Variants in SRRT observed in about 807,000 individuals in gnomAD.
The protein encoded by SRRT is serrate, RNA effector molecule.
A neutral mutation model predicts 103.2 loss-of-function variants in SRRT; 32 were observed. The ratio of observed to expected loss-of-function variants is 0.31; its 90% CI spans 0.23 to 0.42. The LOEUF (loss-of-function observed/expected upper bound fraction) is 0.42, where lower values mean the gene tolerates loss of function less well. SRRT is among the 10% of genes least tolerant of loss of function. The pLI, the probability that SRRT is intolerant of heterozygous loss-of-function variation, is 1.00. For missense variants in SRRT, 986 were observed against 1,207.5 expected (o/e 0.82, Z 2.72); for synonymous variants, 525 against 449.0 (o/e 1.17, Z -2.14).
Position 100,884,396 on chromosome 7 carries a change from G to GAATGATCT in SRRT, c.787_794dup (p.Arg266MetfsTer33). ...TGATTAAGATGGAAGGAGGCACGGA[G>GAATGATCT]AATGATCTTCGCATCCTGGAGCAGG... On this transcript the variant is annotated frameshift_variant, in exon 7 of 20. Transcript: ENST00000611405. LOFTEE classifies it high-confidence loss of function. 1 of 1,613,788 alleles carries GAATGATCT rather than the reference G, an allele frequency of 6.2e-7. No homozygotes were observed. The highest frequency in any genetic ancestry group is 8.5e-7 in the Non-Finnish European group (1 of 1,179,902).
chr7:100,877,193 C>G (rs182238777), intron 2 of SRRT, among the ~76,000 whole-genome samples: 1 of 151,136 alleles, frequency 6.6e-6, no homozygotes, highest in Non-Finnish European at 1.5e-5. Context: ...GAGGCCGAGA[C>G]GGGCAGATCA....
At position 100,881,400 on chromosome 7, in the gene SRRT, A is replaced by G. The variant is rs749999841; in HGVS notation, c.238A>G (p.Met80Val). 4 of 1,613,076 alleles carry G rather than the reference A, an allele frequency of 2.5e-6. No individual in the cohort carries two copies. Among genetic ancestry groups the G allele is most frequent in the South Asian group, 1.1e-5 (1 of 91,062 alleles). ...CGAACTCAGCCCGCCACAGAAGCGC[A>G]TGAGGAGAGACTGGTGAGATGGAGC... ...RHELSPPQKRMRRDWDEHSSD... is the reference protein window; with the variant it reads ...RHELSPPQKRVRRDWDEHSSD... The change falls in exon 3 of 20, where the codon ATG becomes GTG. Residue 80 changes from methionine to valine, a missense_variant. Around this residue, in one of 6 missense-constraint regions of SRRT, gnomAD observed 274 missense variants for 358.5 expected, o/e 0.76. Coordinates refer to ENST00000611405, the MANE Select transcript of SRRT (RefSeq NM_015908.6).
chr7:100,875,450 G>C, intron 1 of SRRT, 122 bp downstream of exon 1: 1 of 1,535,724 alleles, frequency 6.5e-7, no homozygotes, highest in Non-Finnish European at 8.8e-7. Flanking sequence ...TCAGGCCTAG[G>C]ATGGTGGGGG....
At position 100,881,307 on chromosome 7, in the gene SRRT, C is replaced by T; in HGVS notation, c.145C>T (p.Arg49Cys). The change falls in exon 3 of 20, where the codon CGC (arginine) becomes TGC (cysteine). Residue 49 changes from arginine (R) to cysteine (C), a missense_variant. Arg to Cys is a radical substitution (Grantham distance 180, BLOSUM62 -3). Coordinates refer to ENST00000611405, the MANE Select transcript of SRRT (RefSeq NM_015908.6). ...CAGAGAGTGGGACCGTGGCCGTGAG[C>T]GCCGTAGTCGGGGTGAATATCGGGA... ...NDREWDRGRERRSRGEYRDYD... is the reference protein window; with the variant it reads ...NDREWDRGRECRSRGEYRDYD... The T allele has an allele frequency of 6.2e-7, 1 of 1,612,978 alleles. No individual in the cohort carries two copies. Among genetic ancestry groups the T allele is most frequent in the Non-Finnish European group, 8.5e-7 (1 of 1,179,282 alleles).
rs1173976337 is a variant in SRRT at position 100,875,806 on chromosome 7, G to T, written c.122+94G>T. On this transcript the variant is annotated intron_variant, in intron 2 of 19. Transcript: ENST00000611405. ...TCTCCCCCTTGTAATTTTTATGAGG[G>T]CGAATCCTATGAAATGGCTCATTGG... is the stretch of plus-strand genomic sequence containing the variant. 3.9e-6 allele frequency: 6 copies of T among 1,521,596 alleles called. No individual in the cohort carries two copies. The Admixed American group carries it at 8.6e-5, about 22-fold the overall frequency. 94.3% of individuals were successfully genotyped at this position (1,521,596 alleles called of 1,614,324 possible).
In SRRT at chr7:100,885,282, T is replaced by C. The variant is rs1463319472; in HGVS notation, c.1229T>C (p.Leu410Pro). 6.2e-7 allele frequency: 1 copy of C among 1,614,120 alleles called. No homozygotes were observed. Among genetic ancestry groups the C allele is most frequent in the Non-Finnish European group, 8.5e-7 (1 of 1,180,014 alleles). The change falls in exon 10 of 20, where the codon CTG becomes CCG. Residue 410 changes from leucine to proline, a missense_variant. Leu to Pro is a moderately conservative substitution (Grantham distance 98). Around this residue, in one of 6 missense-constraint regions of SRRT, gnomAD observed 349 missense variants for 446.9 expected, o/e 0.78. Transcript: ENST00000611405. The surrounding 1 kb of genome is among the most constrained non-coding windows in gnomAD (Gnocchi z 4.8). ...EWEKPKDAAG[L>P]ECKPRPLHKT... is the part of the protein sequence containing the mutation. ...GAGAAGCCCAAGGACGCCGCGGGGC[T>C]GGAGTGCAAGCCGCGGCCGCTGCAT...
rs1223165597 is a variant in SRRT, at chr7:100,882,430, G to A, written c.587+189G>A. 3.0e-5 allele frequency: 18 copies of A among 603,640 alleles called. No individual in the cohort carries two copies. Among genetic ancestry groups the A allele is most frequent in the South Asian group, 8.0e-5 (4 of 50,060 alleles). The allele number at this position is 603,640 out of a possible 1,614,324, so 37.4% of individuals were successfully genotyped here. On this transcript the variant is annotated intron_variant, in intron 5 of 19. Coordinates refer to ENST00000611405, the MANE Select transcript of SRRT (RefSeq NM_015908.6). This position sits in a 1 kb window ranked among gnomAD's most constrained non-coding sequence, Gnocchi z 4.2. ...CAGCAACTGCCACGGCCCCCGCCCC[G>A]CCCTGTCTCCTGTCCTGCTGTCCTC...
rs1335058533 is a variant in SRRT at position 100,875,416 on chromosome 7, A to T, written c.-19+88A>T. 3 of 1,433,886 alleles carry T rather than the reference A, an allele frequency of 2.1e-6. No individual in the cohort carries two copies. In the African/African-American group the frequency reaches 4.3e-5, roughly 20 times the overall value. The allele number at this position is 1,433,886 out of a possible 1,614,324, so 88.8% of individuals were successfully genotyped here. A position where few individuals can be genotyped will look rare whatever the true frequency, so the allele number is the denominator to read the frequency against. On this transcript the variant is annotated intron_variant, in intron 1 of 19. Coordinates refer to ENST00000611405, the MANE Select transcript of SRRT (RefSeq NM_015908.6). Reference sequence around the variant, plus strand: ...GGCGGGCGCGGAGAAACTCGGGGCGAGTGGAGGTGTTGGAGCCGCGTTCTC... The same window carrying T: ...GGCGGGCGCGGAGAAACTCGGGGCGTGTGGAGGTGTTGGAGCCGCGTTCTC...
Position 100,887,310 on chromosome 7 carries a change from C to T in SRRT, c.1976-10C>T. ...TTGCCAACCTTCCTTCCTCTGTTCC[C>T]AAACCACAGTGCTGGAGTGGCAGAA... is the stretch of plus-strand genomic sequence containing the variant. On this transcript the variant is annotated splice_polypyrimidine_tract_variant and intron_variant, in intron 15 of 19. Transcript: ENST00000611405. This position sits in a 1 kb window ranked among gnomAD's most constrained non-coding sequence, Gnocchi z 4.1. 6.2e-7 allele frequency: 1 copy of T among 1,612,590 alleles called. No individual in the cohort carries two copies. Among genetic ancestry groups the T allele is most frequent in the Non-Finnish European group, 8.5e-7 (1 of 1,178,900 alleles).
At chr7:100,883,935 A>G (rs1475208906) in intron 5 of SRRT, 135 bp from the exon 6 acceptor site, 3 of 968,672 alleles carry the variant, frequency 3.1e-6, no homozygotes, top group South Asian at 1.8e-5. Context: ...CTATCCCTTA[A>G]TCTCTCTATT....
At position 100,886,000 on chromosome 7, in the gene SRRT, C is replaced by T; in HGVS notation, c.1458+59C>T. On this transcript the variant is annotated intron_variant, in intron 12 of 19. Coordinates refer to ENST00000611405, the MANE Select transcript of SRRT (RefSeq NM_015908.6). This position sits in a 1 kb window ranked among gnomAD's most constrained non-coding sequence, Gnocchi z 4.8. Reference sequence around the variant, plus strand: ...AAGGGAGACTCTGTGCCACACGGGACCTCTGTGTGACTTTGTTCATCTGAT... The same window carrying T: ...AAGGGAGACTCTGTGCCACACGGGATCTCTGTGTGACTTTGTTCATCTGAT... 6.4e-7 allele frequency: 1 copy of T among 1,551,872 alleles called. No individual in the cohort carries two copies. The highest frequency in any genetic ancestry group is 8.9e-7 in the Non-Finnish European group (1 of 1,125,288).
rs769110040 is a variant in SRRT at position 100,888,339 on chromosome 7, T to C, written c.2511T>C (p.Asp837=). 1 of 1,614,128 alleles carries C rather than the reference T, an allele frequency of 6.2e-7. No individual in the cohort carries two copies. Among genetic ancestry groups the C allele is most frequent in the Non-Finnish European group, 8.5e-7 (1 of 1,179,990 alleles). ...APYGAGRGNY[D]AFRGQGGYPG... ...ATGGTGCTGGTCGAGGGAACTATGA[T>C]GCCTTCCGAGGCCAGGGAGGTTATC... Residue 837 remains aspartate, a synonymous_variant, in exon 19 of 20, where the codon GAT becomes GAC. Transcript: ENST00000611405.
At chr7:100,881,440 C>G in intron 3 of SRRT, 27 bp downstream of exon 3, 1 of 1,604,578 alleles carries the variant, frequency 6.2e-7, no homozygotes, top group African/African-American at 1.3e-5. Flanking sequence ...TCCCTCTCCT[C>G]CCCTTTGCCT....
Position 100,884,816 on chromosome 7 carries a change from A to G in SRRT, c.1019A>G (p.Asp340Gly). 6.2e-7 allele frequency: 1 copy of G among 1,613,172 alleles called. No individual in the cohort carries two copies. The highest frequency in any genetic ancestry group is 8.5e-7 in the Non-Finnish European group (1 of 1,179,826). The change falls in exon 8 of 20, where the codon GAC (aspartate) becomes GGC (glycine). Residue 340 changes from aspartate to glycine, a missense_variant. By Grantham distance (94) the Asp-to-Gly change is moderately conservative. Around this residue, in one of 6 missense-constraint regions of SRRT, gnomAD observed 166 missense variants for 148.6 expected, o/e 1.12. Coordinates refer to ENST00000611405, the MANE Select transcript of SRRT (RefSeq NM_015908.6). ...GGGGACAAGGAAGAGAAGAAAGAAGACTCCGAGAAGGAAGCCAAAAAGGTG... is the reference window on the plus strand; with the variant it reads ...GGGGACAAGGAAGAGAAGAAAGAAGGCTCCGAGAAGGAAGCCAAAAAGGTG... ...GDGDKEEKKE[D>G]SEKEAKKSSK...
intron 4 of SRRT, 115 bp from the exon 5 acceptor site, chr7:100,881,937 TG>T: frequency 1.4e-6 from 2 of 1,470,092 alleles, no homozygotes; most frequent in Non-Finnish European, 1.8e-6. Flanking sequence ...TGGTAGCTGT[TG>T]GGGTTTGGGG....
intron 2 of SRRT, among the ~76,000 whole-genome samples, chr7:100,877,515 G>A (rs1220735788): frequency 6.7e-6 from 1 of 149,914 alleles, no homozygotes; most frequent in Non-Finnish European, 1.5e-5. Context: ...TTGACTGTAC[G>A]TCTTTTTTAA....
rs201673226 is a variant in SRRT, at chr7:100,885,167, A to G, written c.1160-46A>G. The G allele has an allele frequency of 1.2e-6, 2 of 1,604,616 alleles. No homozygotes were observed. The highest frequency in any genetic ancestry group is 2.7e-5 in the African/African-American group (2 of 74,558). ...CTTCTGTATCCTCCCCACCACAATC[A>G]GTAATAAAAATGCACCAACTCCTTC... On this transcript the variant is annotated intron_variant, in intron 9 of 19. Coordinates refer to ENST00000611405, the MANE Select transcript of SRRT (RefSeq NM_015908.6). This position sits in a 1 kb window ranked among gnomAD's most constrained non-coding sequence, Gnocchi z 4.8.
chr7:100,881,350 G>A lies in SRRT; in HGVS notation c.188G>A (p.Arg63Gln), dbSNP rs1231145403. Residue 63 changes from arginine (R) to glutamine (Q), a missense_variant, in exon 3 of 20, where the codon CGA (arginine) becomes CAA (glutamine). By Grantham distance (43) the Arg-to-Gln change is conservative. Around this residue, in one of 6 missense-constraint regions of SRRT, gnomAD observed 274 missense variants for 358.5 expected, o/e 0.76. Transcript: ENST00000611405. ...TATCGGGACTATGACCGGAATCGGCGAGAGCGCTTCTCGCCACCTCGCCAC... is the reference window on the plus strand; with the variant it reads ...TATCGGGACTATGACCGGAATCGGCAAGAGCGCTTCTCGCCACCTCGCCAC... The part of the protein sequence containing the change: ...GEYRDYDRNR[R>Q]ERFSPPRHEL... The A allele has an allele frequency of 3.7e-6, 6 of 1,613,610 alleles. No individual in the cohort carries two copies. Among genetic ancestry groups the A allele is most frequent in the Non-Finnish European group, 5.1e-6 (6 of 1,179,882 alleles).
chr7:100,888,409 TG>T, intron 19 of SRRT, 26 bp downstream of exon 19: 2 of 1,613,056 alleles, frequency 1.2e-6, no homozygotes, highest in Non-Finnish European at 1.7e-6. Context: ...GCCCAAGCTT[TG>T]TTGCCGCCTG....
Sources: allele counts gnomAD v4.1 joint callset (sites outside exome capture counted in the v4.1 genomes callset), GRCh38; gene constraint gnomAD v4.1.1; regional missense constraint gnomAD v4.1.1; non-coding constraint Gnocchi (gnomAD v3.1); transcripts MANE v1.5; gene names NCBI Gene and HGNC (gene_info 2026-07-23, HGNC 2026-07-21).